Variants in AKAP6 observed in about 807,000 individuals in gnomAD.
AKAP6 encodes A-kinase anchoring protein 6.
AKAP6 carries 58 observed loss-of-function variants against 188.5 expected under a neutral mutation model. The observed-to-expected ratio is 0.31, with a 90% confidence interval of 0.25 to 0.38. The LOEUF (loss-of-function observed/expected upper bound fraction) is 0.38. Ranked by LOEUF, AKAP6 falls within the 10% of genes least tolerant of loss-of-function variation. The pLI is 1.00. For synonymous variants in AKAP6, 989 were observed against 998.6 expected, an observed-to-expected ratio of 0.99 and a Z score of 0.18; for missense variants, 2,710 against 2,740.0, an observed-to-expected ratio of 0.99 and a Z score of 0.24.
Position 32,800,061 on chromosome 14 carries a change from C to CTCTATATA in AKAP6, c.3589-21340_3589-21339insCTATATAT, listed in dbSNP as rs377693074. ...CCTGTCTCTCTCTCTCTCTCTCTCT[C>CTCTATATA]TATATATATAGAAATATATATATAT... is the stretch of plus-strand genomic sequence containing the variant. On this transcript the variant is annotated intron_variant, in intron 12 of 13. Coordinates refer to ENST00000280979, the MANE Select transcript of AKAP6 (RefSeq NM_004274.5). Among the ~76,000 whole-genome samples, 683 of 136,932 alleles carry CTCTATATA rather than the reference C, an allele frequency of 5.0e-3. 7 individuals carry two copies. The highest frequency in any genetic ancestry group is 0.012 in the Admixed American group (166 of 13,312). The allele number at this position is 136,932 out of a possible 152,430, so 89.8% of individuals were successfully genotyped here. A position where few individuals can be genotyped will look rare whatever the true frequency, so the allele number is the denominator to read the frequency against.
intron 1 of AKAP6, among the ~76,000 whole-genome samples, chr14:32,362,675 A>G (rs67938997): frequency 0.22 from 33,809 of 152,122 alleles, 4,049 homozygotes; most frequent in East Asian, 0.4. Context: ...AATAGCTGGT[A>G]GGGACAGGCA....
intron 7 of AKAP6, among the ~76,000 whole-genome samples, chr14:32,622,590 AG>A (rs1412235784): frequency 6.6e-6 from 1 of 152,102 alleles, no homozygotes; most frequent in Non-Finnish European, 1.5e-5. Flanking sequence ...CCTCCCTCAA[AG>A]GGTTATTGAA....
chr14:32,523,583 C>T (rs1354005332), intron 2 of AKAP6, among the ~76,000 whole-genome samples: 1 of 151,788 alleles, frequency 6.6e-6, no homozygotes, highest in African/African-American at 2.4e-5. Flanking sequence ...ATCCTCCCAC[C>T]TCAGCTTCCT....
chr14:32,822,495 T>C lies in AKAP6; in HGVS notation c.4682T>C (p.Leu1561Pro), dbSNP rs954660272. ...ATGCAGAATGCCAAACAGCTCTCCC[T>C]TTTATCTCATAGTTCATCTATTGAG... ...TGMQNAKQLS[L>P]LSHSSSIESL... is the part of the protein sequence containing the mutation. Residue 1561 changes from leucine (L) to proline (P), a missense_variant, in exon 13 of 14, where the codon CTT becomes CCT. Coordinates refer to ENST00000280979, the MANE Select transcript of AKAP6 (RefSeq NM_004274.5). The C allele has an allele frequency of 3.1e-6, 5 of 1,614,042 alleles. No individual in the cohort carries two copies. The highest frequency in any genetic ancestry group is 3.4e-6 in the Non-Finnish European group (4 of 1,179,938).
intron 8 of AKAP6, among the ~76,000 whole-genome samples, chr14:32,695,694 A>T (rs907268410): frequency 6.6e-6 from 1 of 152,104 alleles, no homozygotes; most frequent in African/African-American, 2.4e-5. Context: ...TGCAGTGGTG[A>T]TCTTTTTGTT....
intron 9 of AKAP6, among the ~76,000 whole-genome samples, chr14:32,725,705 T>G (rs2030836169): frequency 6.6e-6 from 1 of 152,180 alleles, no homozygotes; most frequent in Non-Finnish European, 1.5e-5. Context: ...AAGTGTAGTG[T>G]TGGAAATGTA....
rs1469892841 is a variant in AKAP6, at chr14:32,822,899, G to A, written c.5086G>A (p.Glu1696Lys). The stretch of plus-strand genomic sequence containing the variant: ...TCTAACAGAACTTAGCAGCAGTGAC[G>A]AGCTCTCTCTTTGCTCAGAGGATAT... Reference protein sequence around the residue: ...ASLTELSSSDELSLCSEDIVL... With the variant: ...ASLTELSSSDKLSLCSEDIVL... Residue 1696 changes from glutamate to lysine, a missense_variant, in exon 13 of 14, where the codon GAG becomes AAG. Glu to Lys is a moderately conservative substitution (Grantham distance 56). Coordinates refer to ENST00000280979, the MANE Select transcript of AKAP6 (RefSeq NM_004274.5). 5.0e-6 allele frequency: 8 copies of A among 1,613,826 alleles called. No homozygotes were observed. Among genetic ancestry groups the A allele is most frequent in the Non-Finnish European group, 4.2e-6 (5 of 1,179,924 alleles).
chr14:32,336,484 C>T (rs1393886253), intron 1 of AKAP6, among the ~76,000 whole-genome samples: 1 of 152,122 alleles, frequency 6.6e-6, no homozygotes, highest in East Asian at 1.9e-4. Flanking sequence ...GCTAAGAGAA[C>T]AAACATTTTA....
At chr14:32,346,135 G>T (rs1236792542) in intron 1 of AKAP6, among the ~76,000 whole-genome samples, 1 of 152,114 alleles carries the variant, frequency 6.6e-6, no homozygotes, top group Non-Finnish European at 1.5e-5. Context: ...GAGCATTAGT[G>T]GGAGGGGCCT....
chr14:32,495,258 A>G (rs1880247875), intron 2 of AKAP6: 1 of 152,242 alleles, frequency 6.6e-6, no homozygotes, highest in South Asian at 2.1e-4. Flanking sequence ...TTGAGTTACA[A>G]GATCTGGGCT....
intron 2 of AKAP6, among the ~76,000 whole-genome samples, chr14:32,476,996 T>G (rs141640174): frequency 6.6e-6 from 1 of 152,272 alleles, no homozygotes; most frequent in East Asian, 1.9e-4. Flanking sequence ...GATTTGCAAT[T>G]GGTTAAGGAG....
intron 1 of AKAP6, among the ~76,000 whole-genome samples, chr14:32,404,879 T>C (rs577186245): frequency 6.0e-5 from 9 of 149,754 alleles, no homozygotes; most frequent in Admixed American, 3.3e-4. Context: ...CATCCCTGGG[T>C]CTGAACTGGC....
chr14:32,338,030 A>G (rs1196301811), intron 1 of AKAP6, among the ~76,000 whole-genome samples: 8 of 149,612 alleles, frequency 5.3e-5, no homozygotes, highest in Admixed American at 5.3e-4. Context: ...AAACAAAACA[A>G]GACACGTTTT....
rs989277323 is a variant in AKAP6, at chr14:32,547,072, C to T, written c.2346+73C>T. 9 of 1,318,742 alleles carry T rather than the reference C, an allele frequency of 6.8e-6. No homozygotes were observed. In the African/African-American group the frequency reaches 1.2e-4, roughly 17 times the overall value. 81.7% of individuals were successfully genotyped at this position (1,318,742 alleles called of 1,614,324 possible). ...AGTATTGCTGGGAGAAGGTCACACT[C>T]CTACACTCTATTATAAAATGTATGG... On this transcript the variant is annotated intron_variant, in intron 4 of 13. Transcript: ENST00000280979.
intron 11 of AKAP6, among the ~76,000 whole-genome samples, chr14:32,748,291 C>A (rs1276410652): frequency 6.6e-6 from 1 of 152,154 alleles, no homozygotes; most frequent in African/African-American, 2.4e-5. Flanking sequence ...CTAGCTCTAC[C>A]TCTTTCTGAC....
At chr14:32,599,983 T>A (rs1885858182) in intron 6 of AKAP6, among the ~76,000 whole-genome samples, 1 of 152,200 alleles carries the variant, frequency 6.6e-6, no homozygotes, top group Admixed American at 6.5e-5. Flanking sequence ...TTAGCAGAGT[T>A]TTTGGCCTTC....
chr14:32,805,239 C>T (rs898255561), intron 12 of AKAP6, among the ~76,000 whole-genome samples: 4 of 152,180 alleles, frequency 2.6e-5, no homozygotes, highest in African/African-American at 4.8e-5. Context: ...TCCCTCTGTT[C>T]GGGGTCCCTG....
chr14:32,352,926 T>C (rs1028161229), intron 1 of AKAP6, among the ~76,000 whole-genome samples: 10 of 152,242 alleles, frequency 6.6e-5, no homozygotes, highest in Admixed American at 1.3e-4. Flanking sequence ...AGTAGTGGAA[T>C]TGCTGGAATG....
rs193182614 is a variant in AKAP6 at position 32,522,252 on chromosome 14, C to A, written c.325-13302C>A. 4.1e-3 allele frequency among the ~76,000 whole-genome samples: 624 copies of A among 152,326 alleles called. 3 individuals carry two copies. The highest frequency in any genetic ancestry group is 6.8e-3 in the Middle Eastern group (2 of 294). On this transcript the variant is annotated intron_variant, in intron 2 of 13. Coordinates refer to ENST00000280979, the MANE Select transcript of AKAP6 (RefSeq NM_004274.5). ...TAAAAACCCTAGAAGAAAACCTAGG[C>A]AATACCATTCAGGACATAGGCATGG...
Sources: gnomAD v4.1 joint callset for allele counts (sites outside exome capture counted in the v4.1 genomes callset) on GRCh38, gnomAD v4.1.1 for gene constraint, MANE v1.5 for transcripts, NCBI Gene and HGNC (gene_info 2026-07-23, HGNC 2026-07-21) for gene names.